Variants in CPNE4 observed in about 807,000 individuals in gnomAD.
CPNE4 encodes the protein copine 4.
In CPNE4, 25 loss-of-function variants were observed where a neutral mutation model predicts 67.9. That is an observed-to-expected ratio of 0.37 (90% CI 0.27 to 0.51). CPNE4 has a LOEUF of 0.51. Among genes scored for constraint, CPNE4 ranks in the 20% least tolerant of loss-of-function variants. The probability of loss-of-function intolerance (pLI) is 0.93; values close to 1 mark genes in which losing one functional copy is unlikely to be tolerated. For missense variants in CPNE4, 464 were observed against 690.8 expected (o/e 0.67, Z 3.68); for synonymous variants, 242 against 244.9 (o/e 0.99, Z 0.11).
At chr3:131,701,487 C>T (rs959869445) in intron 3 of CPNE4, among the ~76,000 whole-genome samples, 3 of 152,214 alleles carry the variant, frequency 2.0e-5, no homozygotes, top group African/African-American at 7.2e-5. Context: ...ATGACTGTGA[C>T]TTATCTCTTA....
intron 2 of CPNE4, among the ~76,000 whole-genome samples, chr3:131,727,814 G>A (rs1440571546): frequency 2.0e-5 from 3 of 152,090 alleles, no homozygotes; most frequent in Admixed American, 6.5e-5. Context: ...CTACAGTCTA[G>A]TTTGTATTCT....
chr3:131,826,674 A>G (rs2085172759), intron 2 of CPNE4, among the ~76,000 whole-genome samples: 1 of 152,060 alleles, frequency 6.6e-6, no homozygotes, highest in Non-Finnish European at 1.5e-5. Flanking sequence ...GCTCTTCTTC[A>G]AAGGAACAAA....
chr3:131,863,327 A>G (rs919918599), intron 2 of CPNE4, among the ~76,000 whole-genome samples: 1 of 152,132 alleles, frequency 6.6e-6, no homozygotes, highest in Non-Finnish European at 1.5e-5. Context: ...TCCCACCAAC[A>G]GTGTAAAAGT....
chr3:131,951,337 T>C (rs1268567458), intron 1 of CPNE4, among the ~76,000 whole-genome samples: 2 of 150,534 alleles, frequency 1.3e-5, no homozygotes, highest in Non-Finnish European at 3.0e-5. Flanking sequence ...TTTATGTCAA[T>C]GTTTTATCTT....
intron 2 of CPNE4, among the ~76,000 whole-genome samples, chr3:131,832,408 T>C (rs1351369434): frequency 6.6e-6 from 1 of 152,204 alleles, no homozygotes; most frequent in African/African-American, 2.4e-5. Context: ...ATTGCCTTTC[T>C]TTCAAGGACT....
intron 2 of CPNE4, among the ~76,000 whole-genome samples, chr3:131,757,644 A>G (rs2082783769): frequency 6.6e-6 from 1 of 152,234 alleles, no homozygotes; most frequent in Admixed American, 6.5e-5. Context: ...CATAAGTAGC[A>G]AGGAACCTAA....
At position 131,659,614 on chromosome 3, in the gene CPNE4, T is replaced by A. The variant is rs116232565; in HGVS notation, c.681+10061A>T. On this transcript the variant is annotated intron_variant, in intron 7 of 15. Coordinates refer to ENST00000429747, the MANE Select transcript of CPNE4 (RefSeq NM_130808.3). ...AGATGACTTTTTCAAAAACATTTTT[T>A]AAAAAAATCAAAGACAGAGCATGAC... 3.6e-3 allele frequency among the ~76,000 whole-genome samples: 551 copies of A among 152,284 alleles called. 5 individuals are homozygous for A. Among genetic ancestry groups the A allele is most frequent in the African/African-American group, 0.013 (523 of 41,564 alleles).
At chr3:131,851,232 T>C (rs1232355743) in intron 2 of CPNE4, among the ~76,000 whole-genome samples, 2 of 152,110 alleles carry the variant, frequency 1.3e-5, no homozygotes, top group Non-Finnish European at 2.9e-5. Flanking sequence ...CTAGACATTA[T>C]CTATAATGTT....
At chr3:131,554,876 C>G (rs35850556) in intron 12 of CPNE4, among the ~76,000 whole-genome samples, 1 of 151,924 alleles carries the variant, frequency 6.6e-6, no homozygotes, top group African/African-American at 2.4e-5. Flanking sequence ...TCTACAGGAG[C>G]ATCTAGAATA....
intron 1 of CPNE4, among the ~76,000 whole-genome samples, chr3:131,966,777 T>G (rs1337501280): frequency 6.6e-6 from 1 of 152,134 alleles, no homozygotes; most frequent in African/African-American, 2.4e-5. Context: ...CCAGACAGAT[T>G]CACAGCTGGA....
At chr3:131,916,386 T>C (rs1280460017) in intron 1 of CPNE4, among the ~76,000 whole-genome samples, 1 of 150,998 alleles carries the variant, frequency 6.6e-6, no homozygotes, top group East Asian at 1.9e-4. Flanking sequence ...ATTATTCTTA[T>C]GTTCAAAGGG....
At chr3:131,756,446 T>G (rs1409302537) in intron 2 of CPNE4, among the ~76,000 whole-genome samples, 1 of 152,222 alleles carries the variant, frequency 6.6e-6, no homozygotes, top group African/African-American at 2.4e-5. Flanking sequence ...AGGGCAGAGC[T>G]TCTCTTACTT....
chr3:131,570,607 T>C (rs967711113), intron 10 of CPNE4, among the ~76,000 whole-genome samples: 4 of 152,076 alleles, frequency 2.6e-5, no homozygotes, highest in Non-Finnish European at 5.9e-5. Context: ...TCTCACCCTG[T>C]GGTCTGTTTC....
At chr3:131,694,453 A>T (rs2081104996) in intron 5 of CPNE4, among the ~76,000 whole-genome samples, 2 of 152,168 alleles carry the variant, frequency 1.3e-5, no homozygotes, top group East Asian at 1.9e-4. Context: ...ACAAGTTCAT[A>T]GTCCACATGC....
At chr3:131,642,173 A>G (rs2079557982) in intron 7 of CPNE4, among the ~76,000 whole-genome samples, 1 of 151,700 alleles carries the variant, frequency 6.6e-6, no homozygotes, top group East Asian at 1.9e-4. Context: ...AAAATAAAAA[A>G]ATTTAAAAAG....
intron 7 of CPNE4, among the ~76,000 whole-genome samples, chr3:131,632,946 G>A (rs1016713518): frequency 1.6e-4 from 25 of 152,108 alleles, no homozygotes; most frequent in African/African-American, 5.8e-4. Context: ...AGATGATCCC[G>A]TATCTCTCCA....
chr3:131,540,654 T>C (rs995358817), intron 15 of CPNE4, among the ~76,000 whole-genome samples: 2 of 152,120 alleles, frequency 1.3e-5, no homozygotes, highest in Non-Finnish European at 2.9e-5. Context: ...GTCAGATGTG[T>C]CTGGATATAT....
At chr3:131,551,525 T>C (rs916699519) in intron 13 of CPNE4, among the ~76,000 whole-genome samples, 1 of 152,002 alleles carries the variant, frequency 6.6e-6, no homozygotes, top group Non-Finnish European at 1.5e-5. Context: ...ATGAGGAAAG[T>C]CTAATCCATA....
At chr3:131,819,873 A>G (rs1389895377) in intron 2 of CPNE4, among the ~76,000 whole-genome samples, 1 of 152,158 alleles carries the variant, frequency 6.6e-6, no homozygotes, top group Non-Finnish European at 1.5e-5. Context: ...GACCCTGCCC[A>G]AAGCGCAGGG....
Sources: allele counts gnomAD v4.1 joint callset (sites outside exome capture counted in the v4.1 genomes callset), GRCh38; gene constraint gnomAD v4.1.1; transcripts MANE v1.5; gene names NCBI Gene and HGNC (gene_info 2026-07-23, HGNC 2026-07-21).